Variants in TLL2 observed in about 807,000 individuals in gnomAD.
The protein encoded by TLL2 is tolloid like 2.
A neutral mutation model predicts 123.0 loss-of-function variants in TLL2; 106 were observed. The ratio of observed to expected loss-of-function variants is 0.86; its 90% CI spans 0.74 to 1.01. TLL2 has a LOEUF of 1.01. TLL2 is among the 50% of genes least tolerant of loss of function. The pLI, the probability that TLL2 is intolerant of heterozygous loss-of-function variation, is 0.00. For synonymous variants in TLL2, 494 were observed against 516.8 expected (o/e 0.96, Z 0.60); for missense variants, 1,332 against 1,336.7 (o/e 1.00, Z 0.06).
chr10:96,497,773 C>G (rs1203095482), intron 1 of TLL2, among the ~76,000 whole-genome samples: 1 of 152,206 alleles, frequency 6.6e-6, no homozygotes, highest in Non-Finnish European at 1.5e-5. Flanking sequence ...TCTGAAACAT[C>G]TGGGATAAAT....
intron 16 of TLL2, 81 bp from the exon 17 acceptor site, chr10:96,379,173 G>T: frequency 6.5e-7 from 1 of 1,548,288 alleles, no homozygotes; most frequent in Non-Finnish European, 8.8e-7. Context: ...ACTTAAAAGT[G>T]GCCTCCTCTG....
chr10:96,503,112 C>T (rs1219889892), intron 1 of TLL2, among the ~76,000 whole-genome samples: 4 of 152,052 alleles, frequency 2.6e-5, no homozygotes, highest in Non-Finnish European at 4.4e-5. Context: ...TCATCCTCTC[C>T]CTGCTTCATG....
chr10:96,508,498 T>C (rs1038511137), intron 1 of TLL2, among the ~76,000 whole-genome samples: 4 of 152,134 alleles, frequency 2.6e-5, no homozygotes, highest in East Asian at 3.9e-4. Flanking sequence ...GCTATATTTA[T>C]CCTATCCTAA....
At position 96,476,552 on chromosome 10, in the gene TLL2, G is replaced by T. The variant is rs566925599; in HGVS notation, c.286+3797C>A. Among the ~76,000 whole-genome samples the T allele has an allele frequency of 2.1e-4, 32 of 151,288 alleles. No individual in the cohort carries two copies. In the South Asian group the frequency reaches 6.5e-3, roughly 31 times the overall value. On this transcript the variant is annotated intron_variant, in intron 2 of 20. Coordinates refer to ENST00000357947, the MANE Select transcript of TLL2 (RefSeq NM_012465.4). Reference sequence around the variant, plus strand: ...GCTCGGATTACAGGTGTGAGTCACCGCACCTGGCCTGTGATTTTTAAAATT... The same window carrying T: ...GCTCGGATTACAGGTGTGAGTCACCTCACCTGGCCTGTGATTTTTAAAATT...
chr10:96,506,233 C>T lies in TLL2; in HGVS notation c.175+7278G>A, dbSNP rs150550115. 5.1e-3 allele frequency among the ~76,000 whole-genome samples: 550 copies of T among 107,990 alleles called. 4 individuals carry two copies. Among genetic ancestry groups the T allele is most frequent in the Middle Eastern group, 0.044 (4 of 90 alleles). The allele number at this position is 107,990 out of a possible 152,430, so 70.8% of individuals were successfully genotyped here. On this transcript the variant is annotated intron_variant, in intron 1 of 20. Coordinates refer to ENST00000357947, the MANE Select transcript of TLL2 (RefSeq NM_012465.4). ...TGCCACTGCACTCAGGCCTGGATGA[C>T]AGAGCGAGACCCCATCTCAAAAAAA...
Position 96,451,032 on chromosome 10 carries a change from T to C in TLL2, c.287-4864A>G, listed in dbSNP as rs549392135. ...CTGGGAAAGAATGCCCTCCAGGCCT[T>C]GAAAAGAGAGCTCCCGGCCTGTTCA... On this transcript the variant is annotated intron_variant, in intron 2 of 20. Transcript: ENST00000357947. 2.1e-4 allele frequency among the ~76,000 whole-genome samples: 32 copies of C among 152,262 alleles called. No homozygotes were observed. The South Asian group carries it at 6.6e-3, about 32-fold the overall frequency.
rs1589433322 is a variant in TLL2, at chr10:96,480,552, T to C, written c.176-93A>G. 9 of 1,020,668 alleles carry C rather than the reference T, an allele frequency of 8.8e-6. No homozygotes were observed. In the East Asian group the frequency reaches 2.1e-4, roughly 24 times the overall value. 63.2% of individuals were successfully genotyped at this position (1,020,668 alleles called of 1,614,324 possible). ...CCAAAGGGCATTGGGTGTTGGGTGG[T>C]AAACTTTGGAAAAGACAGCCCATCC... is the stretch of plus-strand genomic sequence containing the variant. On this transcript the variant is annotated intron_variant, in intron 1 of 20. Coordinates refer to ENST00000357947, the MANE Select transcript of TLL2 (RefSeq NM_012465.4).
intron 1 of TLL2, among the ~76,000 whole-genome samples, chr10:96,494,140 A>C (rs975396983): frequency 3.3e-5 from 5 of 152,186 alleles, no homozygotes; most frequent in Non-Finnish European, 7.3e-5. Flanking sequence ...TTCAAGGGAC[A>C]GAGTGCAGGA....
At chr10:96,374,188 A>AAT in intron 18 of TLL2, 1 of 233,122 alleles carries the variant, frequency 4.3e-6, no homozygotes, top group Non-Finnish European at 8.5e-6. Context: ...TCTCTCACTT[A>AAT]GGGCTAAGAG....
At chr10:96,464,722 T>G (rs1420222342) in intron 2 of TLL2, among the ~76,000 whole-genome samples, 1 of 152,198 alleles carries the variant, frequency 6.6e-6, no homozygotes, top group East Asian at 1.9e-4. Context: ...AAGCTTGCAA[T>G]TCCTTTTAAG....
Position 96,422,718 on chromosome 10 carries a change from G to A in TLL2, c.648C>T (p.Ser216=). 6.2e-7 allele frequency: 1 copy of A among 1,614,148 alleles called. No homozygotes were observed. The highest frequency in any genetic ancestry group is 8.5e-7 in the Non-Finnish European group (1 of 1,180,040). Residue 216 remains serine (S), a synonymous_variant, in exon 6 of 21, where the codon TCC becomes TCT. Coordinates refer to ENST00000357947, the MANE Select transcript of TLL2 (RefSeq NM_012465.4). ...VFSYRTCGCC[S]YVGRRGGGPQ... ...GGCCTCCTCCTCGGCGCCCAACATA[G>A]GAGCAACAGCTGGACAATTGCAGGA...
chr10:96,431,097 G>A (rs1043128462), intron 4 of TLL2, among the ~76,000 whole-genome samples: 4 of 152,138 alleles, frequency 2.6e-5, no homozygotes. Flanking sequence ...TTTGATGAAA[G>A]TAATATAAAT....
At chr10:96,453,953 T>A (rs762928478) in intron 2 of TLL2, among the ~76,000 whole-genome samples, 19 of 152,176 alleles carry the variant, frequency 1.2e-4, no homozygotes, top group Non-Finnish European at 2.1e-4. Context: ...CAGAGGCTTA[T>A]TTTTTAAAAG....
intron 1 of TLL2, among the ~76,000 whole-genome samples, chr10:96,512,017 T>C (rs1847636669): frequency 6.6e-6 from 1 of 152,222 alleles, no homozygotes; most frequent in Non-Finnish European, 1.5e-5. Flanking sequence ...GCATGCTACC[T>C]GCTGAGGTTT....
At chr10:96,422,515 C>T (rs373157809) in intron 6 of TLL2, 34 bp downstream of exon 6, 89 of 1,611,456 alleles carry the variant, frequency 5.5e-5, no homozygotes, top group African/African-American at 1.7e-4. Context: ...CCTTCTCGAC[C>T]GGTGCCTTCC....
At chr10:96,399,546 T>C (rs1846373743) in intron 10 of TLL2, among the ~76,000 whole-genome samples, 1 of 152,184 alleles carries the variant, frequency 6.6e-6, no homozygotes, top group African/African-American at 2.4e-5. Context: ...TTAAGTGAGA[T>C]GAGATGAAAC....
intron 1 of TLL2, among the ~76,000 whole-genome samples, chr10:96,486,479 A>C (rs943806851): frequency 6.6e-6 from 1 of 152,242 alleles, no homozygotes; most frequent in Non-Finnish European, 1.5e-5. Flanking sequence ...AAGAGACAGA[A>C]GAGCTGCAGG....
chr10:96,479,059 G>A (rs980430386), intron 2 of TLL2, among the ~76,000 whole-genome samples: 13 of 152,188 alleles, frequency 8.5e-5, no homozygotes, highest in Non-Finnish European at 1.9e-4. Context: ...TGGAGTGGTA[G>A]AATTATGCAA....
At chr10:96,486,524 G>C (rs1468056976) in intron 1 of TLL2, among the ~76,000 whole-genome samples, 1 of 152,228 alleles carries the variant, frequency 6.6e-6, no homozygotes, top group Non-Finnish European at 1.5e-5. Flanking sequence ...GAAGAAGGCT[G>C]CTCTATAACC....
Sources: allele counts gnomAD v4.1 joint callset (sites outside exome capture counted in the v4.1 genomes callset), GRCh38; gene constraint gnomAD v4.1.1; transcripts MANE v1.5; gene names NCBI Gene and HGNC (gene_info 2026-07-23, HGNC 2026-07-21).